The following KIAA2012 variants were observed in gnomAD, a reference collection of about 807,000 sequenced individuals.
KIAA2012 encodes uncharacterized protein KIAA2012.
Under a neutral mutation model 150.6 loss-of-function variants are expected in KIAA2012, and 125 were observed. The observed-to-expected ratio is 0.83, with a 90% CI of 0.72 to 0.96. The LOEUF is 0.96. Among genes scored for constraint, KIAA2012 ranks in the 40% least tolerant of loss-of-function variants. The probability of loss-of-function intolerance (pLI) is 0.00; values close to 1 mark genes in which losing one functional copy is unlikely to be tolerated. For synonymous variants in KIAA2012, 462 were observed against 504.7 expected (o/e 0.92, Z 1.13); for missense variants, 1,219 against 1,354.9 (o/e 0.90, Z 1.57).
At chr2:202,132,747 AG>A (rs1388326252) in intron 12 of KIAA2012, among the ~76,000 whole-genome samples, 1 of 104,370 alleles carries the variant, frequency 9.6e-6, no homozygotes, top group African/African-American at 3.8e-5. Flanking sequence ...GTATATATAT[AG>A]TATATATGTA....
At chr2:202,198,029 C>G (rs1397401621) in intron 22 of KIAA2012, among the ~76,000 whole-genome samples, 1 of 151,744 alleles carries the variant, frequency 6.6e-6, no homozygotes, top group East Asian at 1.9e-4. Context: ...CAAAAAGCAG[C>G]TGGGCATGGT....
intron 13 of KIAA2012, among the ~76,000 whole-genome samples, chr2:202,147,619 T>C (rs997866876): frequency 6.6e-6 from 1 of 152,244 alleles, no homozygotes; most frequent in African/African-American, 2.4e-5. Context: ...GTTAAACTTT[T>C]ATGGGCGAGT....
chr2:202,117,797 C>T (rs2105932688), intron 11 of KIAA2012, among the ~76,000 whole-genome samples: 1 of 152,350 alleles, frequency 6.6e-6, no homozygotes, highest in South Asian at 2.1e-4. Context: ...AGATCCCTTA[C>T]CGCAGGACTT....
intron 15 of KIAA2012, among the ~76,000 whole-genome samples, chr2:202,177,639 G>A (rs1408156847): frequency 6.6e-6 from 1 of 152,150 alleles, no homozygotes; most frequent in Non-Finnish European, 1.5e-5. Flanking sequence ...CACAGCCTCA[G>A]TGTCCCGAGT....
intron 7 of KIAA2012, 40 bp downstream of exon 7, chr2:202,100,489 G>A (rs190073759): frequency 1.3e-6 from 2 of 1,507,666 alleles, no homozygotes; most frequent in Non-Finnish European, 1.8e-6. Flanking sequence ...AGGAGAGAGA[G>A]AGAGGAGGGA....
chr2:202,161,028 A>T (rs779099895), intron 14 of KIAA2012, among the ~76,000 whole-genome samples: 19 of 152,282 alleles, frequency 1.2e-4, no homozygotes, highest in Admixed American at 7.2e-4. Flanking sequence ...ATGAGAGTGG[A>T]GGGCAGGATG....
intron 12 of KIAA2012, among the ~76,000 whole-genome samples, chr2:202,132,802 A>ATATATT (rs1473790947): frequency 0.011 from 1,003 of 94,638 alleles, 14 homozygotes; most frequent in Middle Eastern, 0.016. Context: ...ATATATATAT[A>ATATATT]TTTTTTTTTT....
At chr2:202,084,469 A>G (rs1294391454) in intron 2 of KIAA2012, among the ~76,000 whole-genome samples, 1 of 152,178 alleles carries the variant, frequency 6.6e-6, no homozygotes, top group Non-Finnish European at 1.5e-5. Flanking sequence ...TCGTTAAAGG[A>G]AGCACTCATG....
intron 2 of KIAA2012, among the ~76,000 whole-genome samples, chr2:202,080,392 A>G (rs898508459): frequency 2.0e-5 from 3 of 152,142 alleles, no homozygotes; most frequent in Non-Finnish European, 2.9e-5. Context: ...AACGAATAGA[A>G]TATTTATAAC....
intron 23 of KIAA2012, among the ~76,000 whole-genome samples, chr2:202,203,406 GA>G: frequency 6.6e-6 from 1 of 152,144 alleles, no homozygotes; most frequent in East Asian, 1.9e-4. Flanking sequence ...GCAACCACTT[GA>G]AAAATGTTCA....
chr2:202,174,796 CT>C (rs777994333), intron 15 of KIAA2012, among the ~76,000 whole-genome samples: 2 of 152,010 alleles, frequency 1.3e-5, no homozygotes, highest in African/African-American at 2.4e-5. Flanking sequence ...TGAGAAATGA[CT>C]TTTTTTATTA....
At chr2:202,112,645 A>G (rs1400189879) in intron 10 of KIAA2012, among the ~76,000 whole-genome samples, 3 of 152,222 alleles carry the variant, frequency 2.0e-5, no homozygotes, top group Non-Finnish European at 4.4e-5. Context: ...TCAGAACTGA[A>G]TTAAATTATA....
Position 202,093,200 on chromosome 2 carries a change from A to G in KIAA2012, c.685+15A>G. 1 of 1,550,084 alleles carries G rather than the reference A, an allele frequency of 6.5e-7. No homozygotes were observed. Among genetic ancestry groups the G allele is most frequent in the Non-Finnish European group, 8.7e-7 (1 of 1,146,306 alleles). The stretch of plus-strand genomic sequence containing the variant: ...TTTTGAACAACGTACGTGTTGATTT[A>G]CATGTTGATTTTATGACCAGTTCTC... On this transcript the variant is annotated intron_variant, in intron 4 of 23. Transcript: ENST00000498697.
intron 13 of KIAA2012, among the ~76,000 whole-genome samples, chr2:202,152,777 T>C (rs1389500318): frequency 6.6e-6 from 1 of 152,140 alleles, no homozygotes; most frequent in Non-Finnish European, 1.5e-5. Flanking sequence ...GAAAAGGGTG[T>C]GGGTGTTCAT....
chr2:202,097,377 G>A, intron 4 of KIAA2012, 58 bp from the exon 5 acceptor site: 2 of 1,541,458 alleles, frequency 1.3e-6, no homozygotes, highest in Non-Finnish European at 1.8e-6. Flanking sequence ...TTTGGAGGCA[G>A]CAAGAACACC....
At chr2:202,175,938 A>G (rs1307191653) in intron 15 of KIAA2012, among the ~76,000 whole-genome samples, 1 of 152,206 alleles carries the variant, frequency 6.6e-6, no homozygotes, top group Non-Finnish European at 1.5e-5. Context: ...ACATATGGAA[A>G]CTTGATATAT....
intron 11 of KIAA2012, among the ~76,000 whole-genome samples, chr2:202,122,443 C>A (rs1690674502): frequency 6.6e-6 from 1 of 152,064 alleles, no homozygotes; most frequent in Admixed American, 6.5e-5. Context: ...GTTTGCAGAT[C>A]CTCTTTATAA....
intron 14 of KIAA2012, among the ~76,000 whole-genome samples, chr2:202,160,313 C>CTTTTT (rs774846619): frequency 3.3e-5 from 4 of 122,218 alleles, no homozygotes; most frequent in Admixed American, 8.7e-5. Context: ...TTCATAAGGT[C>CTTTTT]TTTTTTTTTT....
chr2:202,129,981 A>G lies in KIAA2012; in HGVS notation c.1831+4699A>G, dbSNP rs540475716. Among the ~76,000 whole-genome samples, 5 of 152,270 alleles carry G rather than the reference A, an allele frequency of 3.3e-5. No homozygotes were observed. In the East Asian group the frequency reaches 9.6e-4, roughly 29 times the overall value. ...TCACACGTCTCATATTGTGGTCTAT[A>G]ATTCATTATAACATCTGCAATAGCT... is the stretch of plus-strand genomic sequence containing the variant. On this transcript the variant is annotated intron_variant, in intron 12 of 23. Transcript: ENST00000498697.
Sources: gnomAD v4.1 joint callset for allele counts (sites outside exome capture counted in the v4.1 genomes callset) on GRCh38, gnomAD v4.1.1 for gene constraint, MANE v1.5 for transcripts, NCBI Gene and HGNC (gene_info 2026-07-23, HGNC 2026-07-21) for gene names.